DSCAM: variants seen among roughly 807,000 people sequenced by gnomAD.
DSCAM encodes the protein DS cell adhesion molecule.
DSCAM carries 47 observed loss-of-function variants against 217.7 expected under a neutral mutation model. That is an observed-to-expected ratio of 0.22 (90% confidence interval 0.17 to 0.28). DSCAM has a LOEUF of 0.28. DSCAM is among the 10% of genes least tolerant of loss of function. The pLI is 1.00. For missense variants in DSCAM, 2,080 were observed against 2,618.3 expected (o/e 0.79, Z 4.49); for synonymous variants, 1,056 against 1,015.3 (o/e 1.04, Z -0.76).
At chr21:40,532,273 CAGATA>C (rs2076453144) in intron 3 of DSCAM, among the ~76,000 whole-genome samples, 1 of 150,020 alleles carries the variant, frequency 6.7e-6, no homozygotes. Context: ...TAATAAATAT[CAGATA>C]AGACAGTTGC....
chr21:40,514,271 T>G (rs2076282668), intron 3 of DSCAM, among the ~76,000 whole-genome samples: 2 of 152,148 alleles, frequency 1.3e-5, no homozygotes, highest in African/African-American at 4.8e-5. Context: ...TGGATCAACG[T>G]TTTTCCACCC....
At chr21:40,325,849 A>C (rs889575629) in intron 8 of DSCAM, among the ~76,000 whole-genome samples, 1 of 152,182 alleles carries the variant, frequency 6.6e-6, no homozygotes, top group African/African-American at 2.4e-5. Flanking sequence ...GAGAGTGGCT[A>C]TGCAATTATT....
chr21:40,425,710 TAAACTTA>T (rs1287482636), intron 3 of DSCAM, among the ~76,000 whole-genome samples: 2 of 149,030 alleles, frequency 1.3e-5, no homozygotes, highest in Non-Finnish European at 3.0e-5. Context: ...GTTCATTTCA[TAAACTTA>T]AAAACAAAAA....
chr21:40,475,904 T>C (rs895680801), intron 3 of DSCAM, among the ~76,000 whole-genome samples: 2 of 152,132 alleles, frequency 1.3e-5, no homozygotes, highest in Admixed American at 1.3e-4. Context: ...TTCAAGTTTC[T>C]TTTGTGTGTA....
intron 32 of DSCAM, among the ~76,000 whole-genome samples, chr21:40,018,624 G>T (rs1420018062): frequency 6.6e-6 from 1 of 152,206 alleles, no homozygotes; most frequent in Admixed American, 6.5e-5. Context: ...CGGCTGGACT[G>T]CAGAATGCGC....
intron 10 of DSCAM, among the ~76,000 whole-genome samples, chr21:40,290,812 GTTGGAATA>G (rs1186876885): frequency 2.0e-5 from 3 of 152,136 alleles, no homozygotes; most frequent in Non-Finnish European, 4.4e-5. Context: ...CCAGAAAGAG[GTTGGAATA>G]TTCTTCACTA....
chr21:40,199,902 G>A (rs1356140055), intron 11 of DSCAM, among the ~76,000 whole-genome samples: 1 of 151,410 alleles, frequency 6.6e-6, no homozygotes, highest in African/African-American at 2.4e-5. Context: ...TAACAAACCT[G>A]CACATTCTGC....
chr21:40,416,749 T>G (rs2123807865), intron 3 of DSCAM, among the ~76,000 whole-genome samples: 1 of 150,248 alleles, frequency 6.7e-6, no homozygotes, highest in Middle Eastern at 3.4e-3. Flanking sequence ...ATGAATGATA[T>G]GTCTAGGAGA....
rs145344242 is a variant in DSCAM at position 40,063,613 on chromosome 21, C to T, written c.4889-714G>A. Among the ~76,000 whole-genome samples, 3 of 152,170 alleles carry T rather than the reference C, an allele frequency of 2.0e-5. No individual in the cohort carries two copies. The East Asian group carries it at 5.8e-4, about 29-fold the overall frequency. ...GTTTCCTTACTTAGAGCACAAAAAC[C>T]TTCTTTTTGTTTTTATTTCATTGCT... On this transcript the variant is annotated intron_variant, in intron 27 of 32. Transcript: ENST00000400454.
At chr21:40,528,898 CTTTTTTTTTTTT>C (rs911356584) in intron 3 of DSCAM, among the ~76,000 whole-genome samples, 1 of 99,396 alleles carries the variant, frequency 1.0e-5, no homozygotes, top group Admixed American at 1.2e-4. Context: ...AGGCTTTCCA[CTTTTTTTTTTTT>C]TTTTTTTTTT....
chr21:40,602,967 G>A (rs1175971779), intron 3 of DSCAM, among the ~76,000 whole-genome samples: 1 of 280 alleles, frequency 3.6e-3, no homozygotes, highest in African/African-American at 0.014. Context: ...TGCATTCAAT[G>A]TTATAAGTTT....
At chr21:40,311,999 C>T (rs899981283) in intron 9 of DSCAM, 82 bp downstream of exon 9, 62 of 654,724 alleles carry the variant, frequency 9.5e-5, no homozygotes, top group Admixed American at 6.4e-4. Flanking sequence ...CAGTTATTTT[C>T]GAAATATTTC....
intron 11 of DSCAM, among the ~76,000 whole-genome samples, chr21:40,228,885 T>C (rs2091356883): frequency 6.6e-6 from 1 of 152,204 alleles, no homozygotes; most frequent in Admixed American, 6.5e-5. Flanking sequence ...AAAAAAAATG[T>C]GTGTATACTA....
chr21:40,069,662 G>T (rs189758332), intron 27 of DSCAM, among the ~76,000 whole-genome samples: 6 of 152,118 alleles, frequency 3.9e-5, no homozygotes, highest in African/African-American at 7.2e-5. Flanking sequence ...ACTTTCTGAG[G>T]GTGGCAGATT....
At chr21:40,825,393 C>CT (rs1391990627) in intron 1 of DSCAM, among the ~76,000 whole-genome samples, 1 of 152,022 alleles carries the variant, frequency 6.6e-6, no homozygotes, top group African/African-American at 2.4e-5. Flanking sequence ...TCTCAGCTCA[C>CT]TGCAACCTCT....
intron 3 of DSCAM, among the ~76,000 whole-genome samples, chr21:40,611,199 C>T (rs912984126): frequency 1.3e-5 from 2 of 151,564 alleles, no homozygotes; most frequent in Admixed American, 1.3e-4. Flanking sequence ...GCTGGGACTA[C>T]AGGTGCACGC....
intron 3 of DSCAM, among the ~76,000 whole-genome samples, chr21:40,665,121 A>G (rs2090185824): frequency 6.6e-6 from 1 of 152,196 alleles, no homozygotes; most frequent in Non-Finnish European, 1.5e-5. Context: ...ACTGGGAGCC[A>G]ATTAAACCTC....
intron 17 of DSCAM, among the ~76,000 whole-genome samples, chr21:40,143,932 G>C (rs1378684956): frequency 6.6e-6 from 1 of 151,552 alleles, no homozygotes; most frequent in Admixed American, 6.6e-5. Flanking sequence ...CTGGATACCA[G>C]GGTTCTCTAT....
chr21:40,265,502 T>C (rs2073514076), intron 11 of DSCAM, among the ~76,000 whole-genome samples: 1 of 151,594 alleles, frequency 6.6e-6, no homozygotes, highest in African/African-American at 2.4e-5. Flanking sequence ...AAACATAAAA[T>C]TCATAGGGAA....
Sources: allele counts gnomAD v4.1 joint callset (sites outside exome capture counted in the v4.1 genomes callset), GRCh38; gene constraint gnomAD v4.1.1; transcripts MANE v1.5; gene names NCBI Gene and HGNC (gene_info 2026-07-23, HGNC 2026-07-21).